Variants in TNFRSF10D observed in about 807,000 individuals in gnomAD.
The protein encoded by TNFRSF10D is TNF receptor superfamily member 10d.
A neutral mutation model predicts 42.1 loss-of-function variants in TNFRSF10D; 28 were observed. The observed-to-expected ratio is 0.66, with a 90% CI of 0.49 to 0.91. TNFRSF10D has a LOEUF of 0.91. Ranked by LOEUF, TNFRSF10D falls within the 40% of genes least tolerant of loss-of-function variation. The pLI is 0.00. For synonymous variants in TNFRSF10D, 186 were observed against 189.4 expected, an observed-to-expected ratio of 0.98 and a Z score of 0.15; for missense variants, 503 against 486.1, an observed-to-expected ratio of 1.03 and a Z score of -0.33.
intron 2 of TNFRSF10D, among the ~76,000 whole-genome samples, chr8:23,154,137 T>C (rs2083653850): frequency 6.6e-6 from 1 of 152,224 alleles, no homozygotes; most frequent in Admixed American, 6.5e-5. Context: ...AAACACCTCA[T>C]GATCTCACAT....
chr8:23,140,022 G>A (rs374623989), intron 7 of TNFRSF10D, among the ~76,000 whole-genome samples: 8 of 152,126 alleles, frequency 5.3e-5, no homozygotes, highest in African/African-American at 1.7e-4. Context: ...GGGTACGGTG[G>A]CTCACGCCTG....
chr8:23,144,871 G>C (rs765037585), intron 6 of TNFRSF10D, among the ~76,000 whole-genome samples, 187 bp downstream of exon 6: 4 of 152,278 alleles, frequency 2.6e-5, no homozygotes, highest in South Asian at 4.1e-4. Flanking sequence ...GCTGCAGCAC[G>C]GCCTGCTGGT....
At chr8:23,158,107 C>T (rs1274364392) in intron 1 of TNFRSF10D, among the ~76,000 whole-genome samples, 2 of 152,220 alleles carry the variant, frequency 1.3e-5, no homozygotes, top group Non-Finnish European at 2.9e-5. Flanking sequence ...GCTCGGCCAT[C>T]TTTCAAGTTG....
chr8:23,140,080 G>C (rs1403635822), intron 7 of TNFRSF10D, among the ~76,000 whole-genome samples: 13 of 152,176 alleles, frequency 8.5e-5, no homozygotes, highest in Admixed American at 8.5e-4. Flanking sequence ...ACAAGGTCAG[G>C]AGATCGAGAC....
At chr8:23,150,720 A>C (rs540574696) in intron 2 of TNFRSF10D, among the ~76,000 whole-genome samples, 923 of 152,268 alleles carry the variant, frequency 6.1e-3, no homozygotes, top group African/African-American at 0.019. Context: ...AATAAAGAAG[A>C]AAGCAGAAAT....
chr8:23,148,337 C>A (rs112108401), intron 3 of TNFRSF10D, 101 bp downstream of exon 3: 2 of 725,602 alleles, frequency 2.8e-6, no homozygotes, highest in Non-Finnish European at 4.7e-6. Flanking sequence ...TGAAGACTAC[C>A]AAGTTGGGCT....
At chr8:23,149,017 C>T (rs574834043) in intron 2 of TNFRSF10D, among the ~76,000 whole-genome samples, 9 of 151,214 alleles carry the variant, frequency 6.0e-5, no homozygotes, top group Non-Finnish European at 8.8e-5. Context: ...AGTGAAACCC[C>T]ATCTCTACTA....
At chr8:23,144,690 C>G in intron 6 of TNFRSF10D, 55 bp from the exon 7 acceptor site, 1 of 1,571,414 alleles carries the variant, frequency 6.4e-7, no homozygotes, top group Non-Finnish European at 8.7e-7. Context: ...GCTTCAGGGT[C>G]CCCAGTACAC....
At chr8:23,153,296 T>G (rs1233010252) in intron 2 of TNFRSF10D, among the ~76,000 whole-genome samples, 1 of 152,192 alleles carries the variant, frequency 6.6e-6, no homozygotes, top group Non-Finnish European at 1.5e-5. Context: ...AAAATCTTCA[T>G]GACGTTGGTG....
At chr8:23,155,240 GTT>G (rs34813158) in intron 1 of TNFRSF10D, among the ~76,000 whole-genome samples, 19 of 143,716 alleles carry the variant, frequency 1.3e-4, no homozygotes, top group East Asian at 6.1e-4. Context: ...GAGCAGAAGA[GTT>G]TTTTTTTTTT....
At position 23,137,774 on chromosome 8, in the gene TNFRSF10D, G is replaced by A; in HGVS notation, c.*96C>T. 1 of 1,488,162 alleles carries A rather than the reference G, an allele frequency of 6.7e-7. No homozygotes were observed. The highest frequency in any genetic ancestry group is 9.0e-7 in the Non-Finnish European group (1 of 1,109,822). 92.2% of individuals were successfully genotyped at this position (1,488,162 alleles called of 1,614,324 possible). On this transcript the variant is annotated 3_prime_UTR_variant, in exon 9 of 9. Coordinates refer to ENST00000312584, the MANE Select transcript of TNFRSF10D (RefSeq NM_003840.5). ...CATATTGGATAGTAGAGTTTGTTGG[G>A]GCATGGGTCAAGTACTGGACTGTTT...
intron 7 of TNFRSF10D, among the ~76,000 whole-genome samples, chr8:23,142,489 T>C (rs1294147336): frequency 6.6e-6 from 1 of 152,194 alleles, no homozygotes; most frequent in Non-Finnish European, 1.5e-5. Context: ...AGTGAATTAA[T>C]GTAGGAACGC....
chr8:23,153,683 C>T (rs773100153), intron 2 of TNFRSF10D, among the ~76,000 whole-genome samples: 2 of 152,118 alleles, frequency 1.3e-5, no homozygotes, highest in African/African-American at 4.8e-5. Context: ...CCACTTCACA[C>T]CTGTAAAAAT....
chr8:23,157,926 C>A (rs1800303679), intron 1 of TNFRSF10D, among the ~76,000 whole-genome samples: 1 of 152,136 alleles, frequency 6.6e-6, no homozygotes, highest in South Asian at 2.1e-4. Context: ...TGGTTACAGC[C>A]AATGCCAGAA....
At chr8:23,149,247 T>C (rs1800178063) in intron 2 of TNFRSF10D, among the ~76,000 whole-genome samples, 1 of 151,638 alleles carries the variant, frequency 6.6e-6, no homozygotes, top group South Asian at 2.1e-4. Context: ...TTTTTAAAAT[T>C]TTTTTTGGAG....
At chr8:23,141,678 A>C (rs917513808) in intron 7 of TNFRSF10D, among the ~76,000 whole-genome samples, 3 of 152,322 alleles carry the variant, frequency 2.0e-5, no homozygotes, top group Admixed American at 6.5e-5. Context: ...CACATGTCTC[A>C]AAAGAAGACA....
At chr8:23,158,312 G>T (rs192890927) in intron 1 of TNFRSF10D, among the ~76,000 whole-genome samples, 2 of 152,120 alleles carry the variant, frequency 1.3e-5, no homozygotes, top group African/African-American at 4.8e-5. Flanking sequence ...TTCAACGTAG[G>T]GTAACTCGGA....
chr8:23,144,489 A>C lies in TNFRSF10D; in HGVS notation c.915T>G (p.Gly305=). The stretch of plus-strand genomic sequence containing the variant: ...GCTCCTCTGGCAACTCTACAGTCAC[A>C]CCTGTTAGCTCTGCCAGCTCCTGAC... ...IQGQELAELT[G]VTVELPEEPQ... The change falls in exon 7 of 9, where the codon GGT becomes GGG. Residue 305 remains glycine (G), a synonymous_variant. Transcript: ENST00000312584. The C allele has an allele frequency of 6.2e-7, 1 of 1,614,134 alleles. No individual in the cohort carries two copies. The highest frequency in any genetic ancestry group is 8.5e-7 in the Non-Finnish European group (1 of 1,180,026).
intron 1 of TNFRSF10D, among the ~76,000 whole-genome samples, chr8:23,163,442 A>G (rs1219418360): frequency 6.7e-6 from 1 of 149,894 alleles, no homozygotes; most frequent in Non-Finnish European, 1.5e-5. Flanking sequence ...CGAACGAACG[A>G]AAGAGGCAAC....
Sources: allele counts gnomAD v4.1 joint callset (sites outside exome capture counted in the v4.1 genomes callset), GRCh38; gene constraint gnomAD v4.1.1; transcripts MANE v1.5; gene names NCBI Gene and HGNC (gene_info 2026-07-23, HGNC 2026-07-21).